Variants in SLC44A5 observed in about 807,000 individuals in gnomAD.
SLC44A5 encodes the protein solute carrier family 44 member 5.
A neutral mutation model predicts 101.8 loss-of-function variants in SLC44A5; 57 were observed. That is an observed-to-expected ratio of 0.56 (90% CI 0.45 to 0.70). The LOEUF is 0.70. Among genes scored for constraint, SLC44A5 ranks in the 30% least tolerant of loss-of-function variants. The pLI is 0.00. For missense variants in SLC44A5, 737 were observed against 853.1 expected (o/e 0.86, Z 1.70); for synonymous variants, 281 against 290.9 (o/e 0.97, Z 0.35).
intron 3 of SLC44A5, among the ~76,000 whole-genome samples, chr1:75,390,756 G>A (rs1661730730): frequency 1.3e-5 from 2 of 152,008 alleles, no homozygotes; most frequent in Non-Finnish European, 2.9e-5. Context: ...AGCAAAAACT[G>A]GAAGCATTTC....
At chr1:75,405,946 A>G (rs1305456609) in intron 2 of SLC44A5, among the ~76,000 whole-genome samples, 1 of 152,040 alleles carries the variant, frequency 6.6e-6, no homozygotes, top group African/African-American at 2.4e-5. Flanking sequence ...AAAGATCAAC[A>G]AAATAGATAG....
chr1:75,676,862 C>T, the SLC44A5 span, among the ~76,000 whole-genome samples: 1 of 152,056 alleles, frequency 6.6e-6, no homozygotes, highest in Non-Finnish European at 1.5e-5. Flanking sequence ...AGAAAGGATT[C>T]TAAAAGCAGA....
At chr1:75,321,070 T>A (rs1472172283) in intron 4 of SLC44A5, among the ~76,000 whole-genome samples, 3 of 152,152 alleles carry the variant, frequency 2.0e-5, no homozygotes, top group Non-Finnish European at 4.4e-5. Flanking sequence ...AATATTAAGA[T>A]GTTTATTTAT....
At chr1:75,510,237 A>G (rs1173840410) in intron 2 of SLC44A5, among the ~76,000 whole-genome samples, 1 of 152,182 alleles carries the variant, frequency 6.6e-6, no homozygotes, top group Non-Finnish European at 1.5e-5. Flanking sequence ...GATGAGGGAC[A>G]TCTAACGCAC....
intron 1 of SLC44A5, among the ~76,000 whole-genome samples, chr1:75,596,932 A>G (rs760451606): frequency 4.6e-5 from 7 of 152,182 alleles, no homozygotes; most frequent in Non-Finnish European, 8.8e-5. Context: ...TTAACATAGT[A>G]TTAGAAGTCC....
chr1:75,236,222 T>C (rs900612898), intron 11 of SLC44A5, among the ~76,000 whole-genome samples: 3 of 151,942 alleles, frequency 2.0e-5, no homozygotes, highest in Non-Finnish European at 4.4e-5. Context: ...AGAAACTAAA[T>C]TGGGCTAGGT....
chr1:75,631,014 C>A, the SLC44A5 span, among the ~76,000 whole-genome samples: 3 of 152,230 alleles, frequency 2.0e-5, no homozygotes, highest in Non-Finnish European at 2.9e-5. Flanking sequence ...TCCGAGCATG[C>A]TCTGCAGTGT....
At chr1:75,699,047 G>A in the SLC44A5 span, among the ~76,000 whole-genome samples, 61 of 152,290 alleles carry the variant, frequency 4.0e-4, 1 homozygote, top group South Asian at 4.4e-3. Flanking sequence ...TGAAAGTGAC[G>A]GGGAGAATGG....
chr1:75,723,886 G>T, the SLC44A5 span: 1 of 152,172 alleles, frequency 6.6e-6, no homozygotes, highest in African/African-American at 2.4e-5. Flanking sequence ...ATTTATGGGT[G>T]ACCTTTATTG....
chr1:75,692,495 C>T, the SLC44A5 span, among the ~76,000 whole-genome samples: 8 of 151,954 alleles, frequency 5.3e-5, no homozygotes, highest in East Asian at 1.9e-4. Context: ...GCAGCCGGCC[C>T]GAGGATGGGA....
At chr1:75,631,544 T>TTC in the SLC44A5 span, among the ~76,000 whole-genome samples, 1 of 141,518 alleles carries the variant, frequency 7.1e-6, no homozygotes, top group Non-Finnish European at 1.5e-5. Flanking sequence ...GGCTAATTTT[T>TTC]TTTTTTTTTT....
At chr1:75,517,485 C>CA (rs1669900262) in intron 2 of SLC44A5, among the ~76,000 whole-genome samples, 1 of 151,244 alleles carries the variant, frequency 6.6e-6, no homozygotes, top group Non-Finnish European at 1.5e-5. Flanking sequence ...CAAACAGCCC[C>CA]AAAAAAACAA....
intron 2 of SLC44A5, among the ~76,000 whole-genome samples, chr1:75,446,649 T>TACACAC (rs10547175): frequency 4.7e-5 from 7 of 149,724 alleles, no homozygotes; most frequent in Admixed American, 2.7e-4. Context: ...TGCCTGGCTA[T>TACACAC]ACACACACAC....
chr1:75,205,517 C>T (rs889283256), intron 23 of SLC44A5: 1 of 152,174 alleles, frequency 6.6e-6, no homozygotes, highest in Non-Finnish European at 1.5e-5. Context: ...ACATGACTAT[C>T]AGAAACCTCA....
intron 3 of SLC44A5, among the ~76,000 whole-genome samples, chr1:75,372,863 C>T (rs1660322081): frequency 6.6e-6 from 1 of 152,022 alleles, no homozygotes; most frequent in Non-Finnish European, 1.5e-5. Context: ...ATCACTAAAT[C>T]AAATCTTTGT....
At chr1:75,532,635 T>C (rs1670783740) in intron 2 of SLC44A5, among the ~76,000 whole-genome samples, 1 of 152,238 alleles carries the variant, frequency 6.6e-6, no homozygotes, top group South Asian at 2.1e-4. Flanking sequence ...TTACTATCAT[T>C]TTCCACTAGA....
chr1:75,218,835 T>A, intron 16 of SLC44A5, 83 bp from the exon 17 acceptor site: 1 of 1,312,582 alleles, frequency 7.6e-7, no homozygotes. Context: ...CTCTTCCCCT[T>A]AATTGCATAT....
intron 1 of SLC44A5, among the ~76,000 whole-genome samples, chr1:75,547,900 T>C (rs1476973083): frequency 6.6e-6 from 1 of 152,182 alleles, no homozygotes; most frequent in Non-Finnish European, 1.5e-5. Flanking sequence ...CCATTTTTCT[T>C]CAGTTAATAG....
At chr1:75,301,714 C>T (rs1038211024) in intron 4 of SLC44A5, among the ~76,000 whole-genome samples, 4 of 152,152 alleles carry the variant, frequency 2.6e-5, no homozygotes, top group Non-Finnish European at 5.9e-5. Context: ...CTTTCAGAAA[C>T]ATAACCTTGA....
Sources: gnomAD v4.1 joint callset for allele counts (sites outside exome capture counted in the v4.1 genomes callset) on GRCh38, gnomAD v4.1.1 for gene constraint, MANE v1.5 for transcripts, NCBI Gene and HGNC (gene_info 2026-07-23, HGNC 2026-07-21) for gene names.